Variants in FURIN observed in about 807,000 individuals in gnomAD.
The protein encoded by FURIN is furin, paired basic amino acid cleaving enzyme, also known as FES upstream region.
Under a neutral mutation model 89.2 loss-of-function variants are expected in FURIN, and 18 were observed. That is an observed-to-expected ratio of 0.20 (90% CI 0.14 to 0.30). The LOEUF (loss-of-function observed/expected upper bound fraction) is 0.30. FURIN is among the 10% of genes least tolerant of loss of function. FURIN has a pLI of 1.00. For missense variants in FURIN, 879 were observed against 1,100.5 expected (o/e 0.80, Z 2.85); for synonymous variants, 508 against 466.4 (o/e 1.09, Z -1.15).
chr15:90,877,607 G>T lies in FURIN; in HGVS notation c.659G>T (p.Arg220Leu), dbSNP rs763902313. 9.6e-6 allele frequency: 15 copies of T among 1,563,912 alleles called. No individual in the cohort carries two copies. Among genetic ancestry groups the T allele is most frequent in the African/African-American group, 1.4e-5 (1 of 73,804 alleles). Residue 220 changes from arginine to leucine, a missense_variant, in exon 7 of 16, where the codon CGC becomes CTC. Physicochemically the swap from Arg to Leu is moderately radical, Grantham distance 102 (BLOSUM62 -2). This residue lies in a region of FURIN where 139 missense variants were observed against 215.0 expected (regional missense o/e 0.65). Transcript: ENST00000268171. ...GGTGTAGGTGTGGCCTACAACGCCC[G>T]CATTGGAGGTGAGTGTGGGCCTGGG... ...VCGVGVAYNA[R>L]IGGVRMLDGE...
rs1434210264 is a variant in FURIN, at chr15:90,878,805, G to C, written c.882G>C (p.Gly294=). Residue 294 remains glycine (G), a synonymous_variant, in exon 9 of 16, where the codon GGG becomes GGC. Transcript: ENST00000268171. ...GLGSIFVWAS[G]NGGREHDSCN... is the part of the protein sequence containing the mutation. ...GCTCCATCTTTGTCTGGGCCTCGGGGAACGGGGGCCGGGAACATGACAGCT... is the reference window on the plus strand; with the variant it reads ...GCTCCATCTTTGTCTGGGCCTCGGGCAACGGGGGCCGGGAACATGACAGCT... 1 of 1,612,060 alleles carries C rather than the reference G, an allele frequency of 6.2e-7. No homozygotes were observed. The highest frequency in any genetic ancestry group is 1.3e-5 in the African/African-American group (1 of 74,904).
chr15:90,876,255 A>G lies in FURIN; in HGVS notation c.178A>G (p.Ile60Val). Residue 60 changes from isoleucine (I) to valine (V), a missense_variant and splice_region_variant, in exon 3 of 16, where the codon ATC (isoleucine) becomes GTC (valine). Physicochemically the swap from Ile to Val is conservative, Grantham distance 29. This residue lies in a region of FURIN where 125 missense variants were observed against 125.0 expected (regional missense o/e 1.00). Transcript: ENST00000268171. The surrounding 1 kb of genome is among the most constrained non-coding windows in gnomAD (Gnocchi z 5.0). ...RKHGFLNLGQ[I>V]FGDYYHFWHR... ...GCTCAGTCTCCCTGCTCTATTGCAG[A>G]TCTTCGGGGACTATTACCACTTCTG... 1 of 1,597,582 alleles carries G rather than the reference A, an allele frequency of 6.3e-7. No individual in the cohort carries two copies. Among genetic ancestry groups the G allele is most frequent in the Non-Finnish European group, 8.6e-7 (1 of 1,165,260 alleles).
chr15:90,878,300 G>A lies in FURIN; in HGVS notation c.836G>A (p.Ser279Asn). 6.3e-7 allele frequency: 1 copy of A among 1,590,822 alleles called. No homozygotes were observed. The highest frequency in any genetic ancestry group is 8.6e-7 in the Non-Finnish European group (1 of 1,166,228). ...LAEEAFFRGV[S>N]QGRGGLGSIF... Reference sequence around the variant, plus strand: ...GAGGAGGCCTTCTTCCGTGGGGTTAGCCAGGTGAGGTGGGGATCTGTCCAG... The same window carrying A: ...GAGGAGGCCTTCTTCCGTGGGGTTAACCAGGTGAGGTGGGGATCTGTCCAG... The change falls in exon 8 of 16, where the codon AGC becomes AAC. Residue 279 changes from serine to asparagine, a missense_variant. Ser to Asn is a conservative substitution (Grantham distance 46). Transcript: ENST00000268171.
chr15:90,872,235 C>T lies in FURIN; in HGVS notation c.-159-3347C>T, dbSNP rs1002721726. ...GCCGGCGGCCGGCGCAGGTAGGTCC[C>T]TGGGCTGCCTTCTGCCGCGGCCTGG... On this transcript the variant is annotated intron_variant, in intron 1 of 15. Transcript: ENST00000268171. Among the ~76,000 whole-genome samples, 7 of 152,116 alleles carry T rather than the reference C, an allele frequency of 4.6e-5. No homozygotes were observed. The East Asian group carries it at 1.4e-3, about 30-fold the overall frequency.
chr15:90,877,618 G>A lies in FURIN; in HGVS notation c.667+3G>A. The A allele has an allele frequency of 6.4e-7, 1 of 1,556,486 alleles. No individual in the cohort carries two copies. The highest frequency in any genetic ancestry group is 8.7e-7 in the Non-Finnish European group (1 of 1,148,286). On this transcript the variant is annotated splice_donor_region_variant and intron_variant, in intron 7 of 15. Transcript: ENST00000268171. ...GGCCTACAACGCCCGCATTGGAGGTGAGTGTGGGCCTGGGCCACCCTGTCT... is the reference window on the plus strand; with the variant it reads ...GGCCTACAACGCCCGCATTGGAGGTAAGTGTGGGCCTGGGCCACCCTGTCT...
chr15:90,880,268 A>C lies in FURIN; in HGVS notation c.1551A>C (p.Ala517=), dbSNP rs771063188. ...TGGGCACCCGCTCCACCCTGCTGGC[A>C]GCCAGGTGCTTGCTCTGTCCCTGCC... ...SPMGTRSTLL[A]ARPHDYSADG... Residue 517 remains alanine, a synonymous_variant, in exon 13 of 16, where the codon GCA becomes GCC. Transcript: ENST00000268171. 13 of 1,603,196 alleles carry C rather than the reference A, an allele frequency of 8.1e-6. No individual in the cohort carries two copies. In the Admixed American group the frequency reaches 1.3e-4, roughly 17 times the overall value.
At chr15:90,875,126 C>T (rs906069199) in intron 1 of FURIN, among the ~76,000 whole-genome samples, 7 of 150,686 alleles carry the variant, frequency 4.6e-5, no homozygotes, top group African/African-American at 1.5e-4. Context: ...CCTCCACCTC[C>T]TGGGCTCAAG....
intron 1 of FURIN, among the ~76,000 whole-genome samples, chr15:90,875,029 CTTTTTTTTTT>C (rs11343964): frequency 3.9e-5 from 4 of 101,278 alleles, no homozygotes; most frequent in Non-Finnish European, 7.8e-5. Flanking sequence ...TTCTGTTACA[CTTTTTTTTTT>C]TTTTTTTTTT....
chr15:90,876,190 C>T lies in FURIN; in HGVS notation c.178-65C>T, dbSNP rs2031610071. 2 of 1,099,532 alleles carry T rather than the reference C, an allele frequency of 1.8e-6. No individual in the cohort carries two copies. The highest frequency in any genetic ancestry group is 2.5e-5 in the South Asian group (2 of 80,038). The allele number at this position is 1,099,532 out of a possible 1,614,324, so 68.1% of individuals were successfully genotyped here. ...CCTCCCATGAAGCCGTTGTCCACCC[C>T]CGTCCCCCGCCTCCCGGGGACTGAC... On this transcript the variant is annotated intron_variant, in intron 2 of 15. Transcript: ENST00000268171. This position sits in a 1 kb window ranked among gnomAD's most constrained non-coding sequence, Gnocchi z 5.0.
At chr15:90,880,418 C>T (rs1229371275) in intron 13 of FURIN, 145 bp downstream of exon 13, 2 of 722,528 alleles carry the variant, frequency 2.8e-6, no homozygotes, top group Non-Finnish European at 4.5e-6. Context: ...ACAATTTTGT[C>T]CTGTGGGACT....
intron 7 of FURIN, 88 bp from the exon 8 acceptor site, chr15:90,878,044 G>A: frequency 7.7e-7 from 1 of 1,291,250 alleles, no homozygotes; most frequent in Non-Finnish European, 1.1e-6. Context: ...ATCCCCTGGG[G>A]TGCAGGGCTG....
chr15:90,876,524 C>T lies in FURIN; in HGVS notation c.339C>T (p.Pro113=). 1 of 1,613,864 alleles carries T rather than the reference C, an allele frequency of 6.2e-7. No individual in the cohort carries two copies. The highest frequency in any genetic ancestry group is 8.5e-7 in the Non-Finnish European group (1 of 1,179,740). ...RRTKRDVYQE[P]TDPKFPQQWY... is the part of the protein sequence containing the mutation. ...CTAAACGGGACGTGTACCAGGAGCC[C>T]ACAGACCCCAAGTTTCCTCAGCAGT... Residue 113 remains proline, a synonymous_variant, in exon 4 of 16, where the codon CCC becomes CCT. Transcript: ENST00000268171. The surrounding 1 kb of genome is among the most constrained non-coding windows in gnomAD (Gnocchi z 5.0).
Position 90,881,083 on chromosome 15 carries a change from G to A in FURIN, c.1792+43G>A. The A allele has an allele frequency of 2.1e-6, 3 of 1,421,918 alleles. No individual in the cohort carries two copies. Among genetic ancestry groups the A allele is most frequent in the Admixed American group, 1.7e-5 (1 of 59,572 alleles). 88.1% of individuals were successfully genotyped at this position (1,421,918 alleles called of 1,614,324 possible). ...TTGGGCTTTGGGGGCCTGAGTCTGG[G>A]GGTAAGGCGGGTGCCTGTCCTGAAG... On this transcript the variant is annotated intron_variant, in intron 15 of 15. Transcript: ENST00000268171. This position sits in a 1 kb window ranked among gnomAD's most constrained non-coding sequence, Gnocchi z 4.3.
At position 90,878,855 on chromosome 15, in the gene FURIN, G is replaced by T. The variant is rs979145838; in HGVS notation, c.932G>T (p.Ser311Ile). 1.2e-6 allele frequency: 2 copies of T among 1,610,854 alleles called. No individual in the cohort carries two copies. Among genetic ancestry groups the T allele is most frequent in the Non-Finnish European group, 1.7e-6 (2 of 1,178,670 alleles). ...TGCAACTGCGACGGCTACACCAACA[G>T]TATCTACACGCTGTCCATCAGCAGC... is the stretch of plus-strand genomic sequence containing the variant. Reference protein sequence around the residue: ...DSCNCDGYTNSIYTLSISSAT... With the variant: ...DSCNCDGYTNIIYTLSISSAT... The change falls in exon 9 of 16, where the codon AGT (serine) becomes ATT (isoleucine). Residue 311 changes from serine (S) to isoleucine (I), a missense_variant. Coordinates refer to ENST00000268171, the MANE Select transcript of FURIN (RefSeq NM_002569.4).
intron 7 of FURIN, 95 bp downstream of exon 7, chr15:90,877,710 C>T (rs2071410): frequency 6.0e-6 from 5 of 836,638 alleles, no homozygotes; most frequent in Non-Finnish European, 9.4e-6. Context: ...GCCACTTTCC[C>T]ACTGTGGATC....
intron 1 of FURIN, among the ~76,000 whole-genome samples, chr15:90,874,212 G>T (rs2031478734): frequency 6.6e-6 from 1 of 152,252 alleles, no homozygotes; most frequent in Admixed American, 6.5e-5. Flanking sequence ...CAGTTATGTG[G>T]CCCCGGGCAG....
At chr15:90,871,351 G>A (rs911527239) in intron 1 of FURIN, among the ~76,000 whole-genome samples, 2 of 151,902 alleles carry the variant, frequency 1.3e-5, no homozygotes, top group African/African-American at 4.8e-5. Context: ...CGGCAGCGGG[G>A]CCTGAGGGAC....
chr15:90,882,217 A>T lies in FURIN; in HGVS notation c.*339A>T. 1 of 318,880 alleles carries T rather than the reference A, an allele frequency of 3.1e-6. No individual in the cohort carries two copies. The highest frequency in any genetic ancestry group is 3.4e-5 in the South Asian group (1 of 29,430). 19.8% of individuals were successfully genotyped at this position (318,880 alleles called of 1,614,324 possible). On this transcript the variant is annotated 3_prime_UTR_variant, in exon 16 of 16. Transcript: ENST00000268171. ...TGTTGGGATTCCTGACCCAGGCCGC[A>T]GCTCTTGCCCTTCCCTGTCCCTCTA...
intron 7 of FURIN, 140 bp from the exon 8 acceptor site, chr15:90,877,992 G>T: frequency 1.4e-6 from 1 of 738,114 alleles, no homozygotes; most frequent in Non-Finnish European, 2.2e-6. Context: ...GTAGTTGGGG[G>T]TTCAGGGTTT....
Sources: gnomAD v4.1 joint callset for allele counts (sites outside exome capture counted in the v4.1 genomes callset) on GRCh38, gnomAD v4.1.1 for gene constraint, gnomAD v4.1.1 regional missense constraint, Gnocchi (gnomAD v3.1) non-coding constraint, MANE v1.5 for transcripts, NCBI Gene and HGNC (gene_info 2026-07-23, HGNC 2026-07-21) for gene names.